The following PDK1 variants were observed in gnomAD, a reference collection of about 807,000 sequenced individuals.
PDK1 encodes pyruvate dehydrogenase kinase 1.
PDK1 carries 39 observed loss-of-function variants against 54.2 expected under a neutral mutation model. The observed-to-expected ratio is 0.72, with a 90% CI of 0.56 to 0.94. The LOEUF is 0.94. PDK1 is among the 40% of genes least tolerant of loss of function. PDK1 has a pLI of 0.00. For synonymous variants in PDK1, 221 were observed against 207.1 expected (o/e 1.07, Z -0.58); for missense variants, 552 against 566.0 (o/e 0.98, Z 0.25).
the PDK1 span, among the ~76,000 whole-genome samples, chr2:172,617,298 A>C: frequency 1.3e-5 from 2 of 152,156 alleles, no homozygotes; most frequent in East Asian, 1.9e-4. Flanking sequence ...TAAATCGATA[A>C]AATTATTAAA....
the PDK1 span, among the ~76,000 whole-genome samples, chr2:172,626,391 C>T: frequency 1.3e-5 from 2 of 152,022 alleles, no homozygotes; most frequent in African/African-American, 4.8e-5. Context: ...ATAGTTATTT[C>T]GGAGAAGAGG....
At position 172,606,455 on chromosome 2, in the gene PDK1, CTT is replaced by C. The variant is rs913957588; in HGVS notation, c.*10489_*10490del. ...TTATGAACCTTACTTCCTCAAGTCT[CTT>C]TTGCTGCTAGGAGGCAGACAGTAAC... is the stretch of plus-strand genomic sequence containing the variant. On this transcript the variant is annotated 3_prime_UTR_variant, in exon 11 of 11. Coordinates refer to ENST00000282077, the MANE Select transcript of PDK1 (RefSeq NM_002610.5). 5.9e-5 allele frequency: 9 copies of C among 152,204 alleles called. No homozygotes were observed. The highest frequency in any genetic ancestry group is 3.3e-4 in the Admixed American group (5 of 15,276). The allele number at this position is 152,204 out of a possible 1,614,324, so 9.4% of individuals were successfully genotyped here. A position where few individuals can be genotyped will look rare whatever the true frequency, so the allele number is the denominator to read the frequency against.
At chr2:172,664,046 T>C in the PDK1 span, among the ~76,000 whole-genome samples, 2 of 150,386 alleles carry the variant, frequency 1.3e-5, no homozygotes, top group African/African-American at 2.4e-5. Context: ...GCGCGGTGGC[T>C]CACACCTGTA....
the PDK1 span, chr2:172,679,002 G>C: frequency 6.6e-6 from 1 of 152,208 alleles, no homozygotes; most frequent in Admixed American, 6.5e-5. Flanking sequence ...CTCTGTCGCA[G>C]AGATTTCTTT....
chr2:172,701,557 A>G, the PDK1 span, among the ~76,000 whole-genome samples: 1 of 151,466 alleles, frequency 6.6e-6, no homozygotes, highest in African/African-American at 2.4e-5. Flanking sequence ...GGGTAAGGCT[A>G]CTTGTTGGAG....
intron 8 of PDK1, among the ~76,000 whole-genome samples, chr2:172,581,910 T>G (rs36118221): frequency 0.22 from 32,878 of 152,008 alleles, 4,870 homozygotes; most frequent in African/African-American, 0.42. Flanking sequence ...TGTCTTTTTT[T>G]TGTGTGTGTG....
At chr2:172,668,605 G>A in the PDK1 span, among the ~76,000 whole-genome samples, 1,273 of 151,632 alleles carry the variant, frequency 8.4e-3, 20 homozygotes, top group African/African-American at 0.028. Context: ...GGAAATTATG[G>A]CCTCTTTGGA....
chr2:172,630,153 A>T, the PDK1 span, among the ~76,000 whole-genome samples: 11 of 152,142 alleles, frequency 7.2e-5, no homozygotes, highest in Non-Finnish European at 1.2e-4. Flanking sequence ...TTTTAGCAAT[A>T]CTATCTTATG....
the PDK1 span, among the ~76,000 whole-genome samples, chr2:172,647,455 A>G: frequency 6.6e-6 from 1 of 152,218 alleles, no homozygotes; most frequent in African/African-American, 2.4e-5. Flanking sequence ...GAGGCATGTC[A>G]AAAGGACACA....
chr2:172,555,897 T>A (rs1172835579), upstream of PDK1: 1 of 344,068 alleles, frequency 2.9e-6, no homozygotes, highest in African/African-American at 2.1e-5. Context: ...CGCATCTCCT[T>A]CCTCGGGAGG....
the PDK1 span, among the ~76,000 whole-genome samples, chr2:172,681,896 T>C: frequency 6.6e-6 from 1 of 152,196 alleles, no homozygotes; most frequent in Non-Finnish European, 1.5e-5. Context: ...TAGATGGGAC[T>C]ACAGGCACCC....
At chr2:172,611,978 A>G (rs1330718532), downstream of PDK1, among the ~76,000 whole-genome samples, 1 of 152,252 alleles carries the variant, frequency 6.6e-6, no homozygotes, top group Admixed American at 6.5e-5. Flanking sequence ...AGTGAGTCAG[A>G]ATTCAAAAGA....
At chr2:172,584,681 G>A (rs1482733724) in intron 8 of PDK1, among the ~76,000 whole-genome samples, 4 of 140,788 alleles carry the variant, frequency 2.8e-5, no homozygotes, top group Non-Finnish European at 6.1e-5. Context: ...TAGAGGCAGG[G>A]TTTTATTCTG....
At chr2:172,701,369 C>A in the PDK1 span, among the ~76,000 whole-genome samples, 1 of 152,212 alleles carries the variant, frequency 6.6e-6, no homozygotes, top group African/African-American at 2.4e-5. Context: ...CAATGGGCAA[C>A]TGTCCAAATG....
the PDK1 span, among the ~76,000 whole-genome samples, chr2:172,672,389 AT>A: frequency 6.6e-6 from 1 of 152,138 alleles, no homozygotes; most frequent in Non-Finnish European, 1.5e-5. Flanking sequence ...AAATTTGTTT[AT>A]TTCACCATTT....
rs1169209382 is a variant in PDK1, at chr2:172,599,932, TAC to T, written c.*3965_*3966del. ...TAAATTAGCAATTATTTAGCAAAAA[TAC>T]AGAGTTTCACCCCAGTAAAATAAAC... is the stretch of plus-strand genomic sequence containing the variant. On this transcript the variant is annotated 3_prime_UTR_variant, in exon 11 of 11. Coordinates refer to ENST00000282077, the MANE Select transcript of PDK1 (RefSeq NM_002610.5). 1 of 152,206 alleles carries T rather than the reference TAC, an allele frequency of 6.6e-6. No homozygotes were observed. The highest frequency in any genetic ancestry group is 2.4e-5 in the African/African-American group (1 of 41,468). 9.4% of individuals were successfully genotyped at this position (152,206 alleles called of 1,614,324 possible). A position where few individuals can be genotyped will look rare whatever the true frequency, so the allele number is the denominator to read the frequency against.
At position 172,606,287 on chromosome 2, in the gene PDK1, G is replaced by T. The variant is rs1022063759; in HGVS notation, c.*10318G>T. 1 of 152,196 alleles carries T rather than the reference G, an allele frequency of 6.6e-6. No individual in the cohort carries two copies. Among genetic ancestry groups the T allele is most frequent in the Admixed American group, 6.5e-5 (1 of 15,280 alleles). The allele number at this position is 152,196 out of a possible 1,614,324, so 9.4% of individuals were successfully genotyped here. On this transcript the variant is annotated 3_prime_UTR_variant, in exon 11 of 11. Coordinates refer to ENST00000282077, the MANE Select transcript of PDK1 (RefSeq NM_002610.5). ...CCAATTTGCCTGCATCCTCTGGAAG[G>T]TAAAGAAGATCTCCTCTCTCTTAGA...
chr2:172,577,658 T>C (rs553189912), intron 8 of PDK1, among the ~76,000 whole-genome samples: 2 of 152,176 alleles, frequency 1.3e-5, no homozygotes, highest in Admixed American at 1.3e-4. Context: ...TATAATCTAG[T>C]TCAGATTAAT....
the PDK1 span, among the ~76,000 whole-genome samples, chr2:172,700,243 C>T: frequency 6.6e-6 from 1 of 152,164 alleles, no homozygotes; most frequent in South Asian, 2.1e-4. Flanking sequence ...CCATCGTCAT[C>T]ATGGCCCGTT....
Sources: allele counts gnomAD v4.1 joint callset (sites outside exome capture counted in the v4.1 genomes callset), GRCh38; gene constraint gnomAD v4.1.1; transcripts MANE v1.5; gene names NCBI Gene and HGNC (gene_info 2026-07-23, HGNC 2026-07-21).